ERCC5: variants seen among roughly 807,000 people sequenced by gnomAD.
The protein encoded by ERCC5 is ERCC excision repair 5, endonuclease.
A neutral mutation model predicts 105.6 loss-of-function variants in ERCC5; 68 were observed. The ratio of observed to expected loss-of-function variants is 0.64; its 90% CI spans 0.53 to 0.79. The LOEUF (loss-of-function observed/expected upper bound fraction) is 0.79. ERCC5 is among the 30% of genes least tolerant of loss of function. ERCC5 has a pLI of 0.00. For missense variants in ERCC5, 1,373 were observed against 1,426.7 expected, an observed-to-expected ratio of 0.96 and a Z score of 0.61; for synonymous variants, 546 against 526.2, an observed-to-expected ratio of 1.04 and a Z score of -0.51.
intron 4 of ERCC5, among the ~76,000 whole-genome samples, 174 bp downstream of exon 4, chr13:102,854,548 ATTC>A (rs1566465182): frequency 6.6e-6 from 1 of 152,170 alleles, no homozygotes; most frequent in Non-Finnish European, 1.5e-5. Context: ...TTTATTTACT[ATTC>A]TTTGTGTTTT....
At chr13:102,852,484 A>T (rs1882244599) in intron 2 of ERCC5, among the ~76,000 whole-genome samples, 191 bp downstream of exon 2, 1 of 152,250 alleles carries the variant, frequency 6.6e-6, no homozygotes, top group South Asian at 2.1e-4. Flanking sequence ...ATGAGAGTTC[A>T]TCATGGGTAC....
intron 9 of ERCC5, 140 bp from the exon 10 acceptor site, chr13:102,866,122 C>CT (rs1882826620): frequency 6.8e-7 from 1 of 1,466,686 alleles, no homozygotes; most frequent in Non-Finnish European, 9.4e-7. Flanking sequence ...ATTACAGAGT[C>CT]TTGGTTAGAC....
chr13:102,859,261 G>C (rs2054348498), intron 6 of ERCC5, among the ~76,000 whole-genome samples: 1 of 152,186 alleles, frequency 6.6e-6, no homozygotes, highest in Admixed American at 6.5e-5. Flanking sequence ...CGACCTTAGT[G>C]CATAGATGGA....
intron 1 of ERCC5, among the ~76,000 whole-genome samples, chr13:102,849,777 A>G (rs1211992636): frequency 6.6e-6 from 1 of 152,176 alleles, no homozygotes; most frequent in Non-Finnish European, 1.5e-5. Context: ...TAGGGCCAAT[A>G]CTGTGTTTTG....
At position 102,862,489 on chromosome 13, in the gene ERCC5, C is replaced by T. The variant is rs577826260; in HGVS notation, c.1340C>T (p.Ala447Val). 216 of 1,613,978 alleles carry T rather than the reference C, an allele frequency of 1.3e-4. 1 individual carries two copies. The South Asian group carries it at 2.1e-3, about 16-fold the overall frequency. The change falls in exon 8 of 15, where the codon GCG becomes GTG. Residue 447 changes from alanine (A) to valine (V), a missense_variant. Physicochemically the swap from Ala to Val is moderately conservative, Grantham distance 64 (BLOSUM62 0). Transcript: ENST00000652225. ...GGAATACCGTTTACTGCAACACTTG[C>T]GTCATCTAGTGTGAACTCTGCAGAG... ...GKGIPFTATLASSSVNSAEEH... is the reference protein window; with the variant it reads ...GKGIPFTATLVSSSVNSAEEH...
At chr13:102,846,977 T>A (rs1270565875) in intron 1 of ERCC5, among the ~76,000 whole-genome samples, 1 of 152,172 alleles carries the variant, frequency 6.6e-6, no homozygotes, top group East Asian at 1.9e-4. Context: ...GAATGAGGAA[T>A]AAAGAAATTG....
intron 1 of ERCC5, among the ~76,000 whole-genome samples, chr13:102,850,599 T>C (rs147459153): frequency 1.5e-4 from 23 of 152,238 alleles, no homozygotes; most frequent in African/African-American, 5.5e-4. Context: ...TTGATAGACC[T>C]GGTAATAGCT....
rs1882802242 is a variant in ERCC5 at position 102,865,584 on chromosome 13, G to C, written c.1955-83G>C. ...CTTTTTAGGATGTAGCATTTTTCAG[G>C]TTCCTCCAGAAAGCTCTTGATGATT... On this transcript the variant is annotated intron_variant, in intron 8 of 14. Coordinates refer to ENST00000652225, the MANE Select transcript of ERCC5 (RefSeq NM_000123.4). The surrounding 1 kb of genome is among the most constrained non-coding windows in gnomAD (Gnocchi z 4.0). 2 of 1,572,546 alleles carry C rather than the reference G, an allele frequency of 1.3e-6. No homozygotes were observed. The highest frequency in any genetic ancestry group is 1.7e-6 in the Non-Finnish European group (2 of 1,157,124).
intron 14 of ERCC5, 74 bp downstream of exon 14, chr13:102,873,417 TA>T: frequency 2.6e-6 from 4 of 1,534,180 alleles, no homozygotes; most frequent in Non-Finnish European, 3.6e-6. Flanking sequence ...AAAGACCAGT[TA>T]ACTCTTATTT....
At chr13:102,853,675 A>G in intron 2 of ERCC5, 82 bp from the exon 3 acceptor site, 1 of 1,447,740 alleles carries the variant, frequency 6.9e-7, no homozygotes, top group East Asian at 2.4e-5. Flanking sequence ...AGACAAACCA[A>G]ATTCTCTGGA....
At chr13:102,848,932 A>G (rs1595374620) in intron 1 of ERCC5, among the ~76,000 whole-genome samples, 2 of 152,280 alleles carry the variant, frequency 1.3e-5, no homozygotes, top group East Asian at 3.9e-4. Context: ...ATGATTTAGA[A>G]TTTTAGGCCC....
chr13:102,874,284 T>A (rs1313120414), intron 14 of ERCC5, among the ~76,000 whole-genome samples: 1 of 152,198 alleles, frequency 6.6e-6, no homozygotes, highest in Non-Finnish European at 1.5e-5. Context: ...AACATTTAGG[T>A]TAAAAAATTT....
chr13:102,872,167 T>A (rs558532253), intron 12 of ERCC5, 31 bp from the exon 13 acceptor site: 1 of 1,608,644 alleles, frequency 6.2e-7, no homozygotes, highest in East Asian at 2.2e-5. Context: ...GTCTCATTGC[T>A]GTGTAAGTAA....
intron 1 of ERCC5, among the ~76,000 whole-genome samples, chr13:102,850,576 TTAGAAGA>T (rs1882165397): frequency 6.6e-6 from 1 of 152,062 alleles, no homozygotes; most frequent in Non-Finnish European, 1.5e-5. Flanking sequence ...TCAAGATACA[TTAGAAGA>T]TAGAATTGAT....
In ERCC5 at chr13:102,862,491, T is replaced by G; in HGVS notation, c.1342T>G (p.Ser448Ala). 1.2e-6 allele frequency: 2 copies of G among 1,613,956 alleles called. No homozygotes were observed. The highest frequency in any genetic ancestry group is 1.7e-6 in the Non-Finnish European group (2 of 1,180,020). ...AATACCGTTTACTGCAACACTTGCGTCATCTAGTGTGAACTCTGCAGAGGA... is the reference window on the plus strand; with the variant it reads ...AATACCGTTTACTGCAACACTTGCGGCATCTAGTGTGAACTCTGCAGAGGA... The part of the protein sequence containing the change: ...KGIPFTATLA[S>A]SSVNSAEEHV... Residue 448 changes from serine to alanine, a missense_variant, in exon 8 of 15, where the codon TCA becomes GCA. This residue lies in a region of ERCC5 where 1,004 missense variants were observed against 1,059.7 expected (regional missense o/e 0.95). Transcript: ENST00000652225.
At chr13:102,860,400 T>A (rs1433384762) in intron 6 of ERCC5, among the ~76,000 whole-genome samples, 2 of 152,222 alleles carry the variant, frequency 1.3e-5, no homozygotes, top group Non-Finnish European at 2.9e-5. Flanking sequence ...CAGCGTGTGA[T>A]AAGTGCTCAG....
rs767062445 is a variant in ERCC5, at chr13:102,862,483, C to T, written c.1334C>T (p.Thr445Ile). The change falls in exon 8 of 15, where the codon ACA (threonine) becomes ATA (isoleucine). Residue 445 changes from threonine to isoleucine, a missense_variant. Coordinates refer to ENST00000652225, the MANE Select transcript of ERCC5 (RefSeq NM_000123.4). ...RDGKGIPFTA[T>I]LASSSVNSAE... is the part of the protein sequence containing the mutation. Reference sequence around the variant, plus strand: ...GGAAAAGGAATACCGTTTACTGCAACACTTGCGTCATCTAGTGTGAACTCT... The same window carrying T: ...GGAAAAGGAATACCGTTTACTGCAATACTTGCGTCATCTAGTGTGAACTCT... 8 of 1,614,064 alleles carry T rather than the reference C, an allele frequency of 5.0e-6. No homozygotes were observed. Among genetic ancestry groups the T allele is most frequent in the Non-Finnish European group, 6.8e-6 (8 of 1,180,034 alleles).
chr13:102,872,104 T>G, intron 12 of ERCC5, 94 bp from the exon 13 acceptor site: 15 of 1,438,986 alleles, frequency 1.0e-5, no homozygotes, highest in Non-Finnish European at 1.3e-5. Flanking sequence ...AGTTAGAACT[T>G]GAGTTTACAT....
intron 12 of ERCC5, among the ~76,000 whole-genome samples, chr13:102,871,489 T>G (rs1883032564): frequency 6.6e-6 from 1 of 152,150 alleles, no homozygotes; most frequent in African/African-American, 2.4e-5. Flanking sequence ...TAGTTGTTAG[T>G]GTTATTTATT....
Sources: allele counts gnomAD v4.1 joint callset (sites outside exome capture counted in the v4.1 genomes callset), GRCh38; gene constraint gnomAD v4.1.1; regional missense constraint gnomAD v4.1.1; non-coding constraint Gnocchi (gnomAD v3.1); transcripts MANE v1.5; gene names NCBI Gene and HGNC (gene_info 2026-07-23, HGNC 2026-07-21).